Variants in KANK1 observed in about 807,000 individuals in gnomAD.
KANK1 encodes the protein KN motif and ankyrin repeat domains 1.
A neutral mutation model predicts 106.2 loss-of-function variants in KANK1; 109 were observed. The ratio of observed to expected loss-of-function variants is 1.03; its 90% CI spans 0.88 to 1.20. The LOEUF (loss-of-function observed/expected upper bound fraction) is 1.20. Among genes scored for constraint, KANK1 ranks in the 50% most tolerant of loss-of-function variants. KANK1 has a pLI of 0.00. For missense variants in KANK1, 2,399 were observed against 1,710.7 expected (o/e 1.40, Z -7.10); for synonymous variants, 873 against 652.2 (o/e 1.34, Z -5.16).
At chr9:601,324 A>G (rs538725623) in intron 1 of KANK1, among the ~76,000 whole-genome samples, 1 of 151,930 alleles carries the variant, frequency 6.6e-6, no homozygotes, top group Non-Finnish European at 1.5e-5. Context: ...GTTTTCCGCT[A>G]TCCTTTCTTT....
chr9:503,047 C>T (rs954819727), upstream of KANK1, among the ~76,000 whole-genome samples: 42 of 119,738 alleles, frequency 3.5e-4, 1 homozygote, highest in African/African-American at 9.5e-4. Context: ...CAGAATTTCA[C>T]TGTATTGCCC....
chr9:531,424 C>G (rs1452608204), intron 1 of KANK1, among the ~76,000 whole-genome samples: 2 of 152,142 alleles, frequency 1.3e-5, no homozygotes, highest in Non-Finnish European at 2.9e-5. Context: ...GAGTGAGACC[C>G]TGTCTCAAAA....
intron 1 of KANK1, among the ~76,000 whole-genome samples, chr9:611,966 T>C (rs1307839907): frequency 6.6e-6 from 1 of 152,172 alleles, no homozygotes; most frequent in Non-Finnish European, 1.5e-5. Flanking sequence ...GATCCGCCAG[T>C]CTCGGCCTCC....
Position 738,376 on chromosome 9 carries a change from C to G in KANK1, c.3425C>G (p.Ala1142Gly). ...GCCATGGTGGGGGACTACATAGCTG[C>G]TTTTGAGGCCATTTCCCCAGATGTC... ...IPAMVGDYIAAFEAISPDVLR... is the reference protein window; with the variant it reads ...IPAMVGDYIAGFEAISPDVLR... The change falls in exon 8 of 12, where the codon GCT becomes GGT. Residue 1142 changes from alanine to glycine, a missense_variant. Transcript: ENST00000382297. The G allele has an allele frequency of 6.2e-7, 1 of 1,614,116 alleles. No homozygotes were observed. The highest frequency in any genetic ancestry group is 2.2e-5 in the East Asian group (1 of 44,878).
intron 10 of KANK1, among the ~76,000 whole-genome samples, chr9:742,760 T>C (rs1836010623): frequency 6.6e-6 from 1 of 152,168 alleles, no homozygotes; most frequent in Non-Finnish European, 1.5e-5. Flanking sequence ...CAGGTGCACT[T>C]GGAAATCTGG....
chr9:695,480 C>A (rs945591715), intron 2 of KANK1, among the ~76,000 whole-genome samples: 1 of 152,126 alleles, frequency 6.6e-6, no homozygotes. Flanking sequence ...CACACACATC[C>A]CCTACAGCTC....
chr9:571,349 C>A (rs1427529929), intron 1 of KANK1, among the ~76,000 whole-genome samples: 1 of 152,140 alleles, frequency 6.6e-6, no homozygotes. Flanking sequence ...CAGAGTGTTC[C>A]TTTGGCAACA....
At chr9:634,610 G>T (rs150433305) in intron 1 of KANK1, among the ~76,000 whole-genome samples, 2,300 of 152,166 alleles carry the variant, frequency 0.015, 28 homozygotes, top group South Asian at 0.042. Context: ...TCTTACAAAG[G>T]CAGTTTCAGC....
At chr9:628,868 C>G (rs7867144) in intron 1 of KANK1, among the ~76,000 whole-genome samples, 46,268 of 151,460 alleles carry the variant, frequency 0.31, 7,325 homozygotes, top group East Asian at 0.58. Context: ...CACTTGAGGC[C>G]AGGAGTTCAA....
chr9:558,326 A>G (rs962284661), intron 1 of KANK1, among the ~76,000 whole-genome samples: 7 of 152,248 alleles, frequency 4.6e-5, no homozygotes, highest in East Asian at 1.9e-4. Flanking sequence ...GTTATGTTCT[A>G]TAAAGTCGCT....
chr9:694,834 C>G (rs551320725), intron 2 of KANK1, among the ~76,000 whole-genome samples: 34 of 152,252 alleles, frequency 2.2e-4, no homozygotes, highest in African/African-American at 7.5e-4. Context: ...TAGGATGCAG[C>G]TGGAAAGGTG....
chr9:470,304 T>C (rs1291768029), exon 1 of KANK1: 1 of 150,444 alleles, frequency 6.6e-6, no homozygotes, highest in South Asian at 2.1e-4. Context: ...CGAGGGTGTT[T>C]CGGGGCGTCC....
At position 646,928 on chromosome 9, in the gene KANK1, C is replaced by G. The variant is rs971008779; in HGVS notation, c.-83-29962C>G. 1.3e-5 allele frequency among the ~76,000 whole-genome samples: 2 copies of G among 150,784 alleles called. 1 individual carries two copies. The highest frequency in any genetic ancestry group is 5.0e-5 in the African/African-American group (2 of 40,190). On this transcript the variant is annotated intron_variant, in intron 1 of 11. Coordinates refer to ENST00000382297, the MANE Select transcript of KANK1 (RefSeq NM_015158.5). ...GGCCAGGCTGCTCTCAAACTCCTGACCTGAAGTAATCCACCCGCCTCAGCC... is the reference window on the plus strand; with the variant it reads ...GGCCAGGCTGCTCTCAAACTCCTGAGCTGAAGTAATCCACCCGCCTCAGCC...
intron 1 of KANK1, among the ~76,000 whole-genome samples, chr9:652,802 C>G (rs1030005673): frequency 4.6e-5 from 7 of 152,140 alleles, no homozygotes; most frequent in African/African-American, 1.7e-4. Context: ...TGATTTTTTA[C>G]TTTCTCTGTC....
chr9:656,315 C>A (rs911012933), intron 1 of KANK1, among the ~76,000 whole-genome samples: 2 of 152,138 alleles, frequency 1.3e-5, no homozygotes, highest in African/African-American at 2.4e-5. Context: ...GTTTAAGTCC[C>A]GTCTGTGGAA....
At position 686,321 on chromosome 9, in the gene KANK1, A is replaced by G. The variant is rs185537843; in HGVS notation, c.37+9312A>G. Among the ~76,000 whole-genome samples, 417 of 152,252 alleles carry G rather than the reference A, an allele frequency of 2.7e-3. 4 individuals carry two copies. Among genetic ancestry groups the G allele is most frequent in the African/African-American group, 9.4e-3 (391 of 41,526 alleles). On this transcript the variant is annotated intron_variant, in intron 2 of 11. Transcript: ENST00000382297. ...CACCACGAATATGTTTTTTGGGGCA[A>G]CCCGTTTGGCATGTTCCCCCTCAGC... is the stretch of plus-strand genomic sequence containing the variant.
intron 7 of KANK1, chr9:735,749 T>C: frequency 2.3e-6 from 1 of 439,076 alleles, no homozygotes; most frequent in Non-Finnish European, 4.7e-6. Context: ...ATCCCAACAC[T>C]TCGGGAGGCC....
rs568912042 is a variant in KANK1, at chr9:684,195, G to T, written c.37+7186G>T. 44 of 985,376 alleles carry T rather than the reference G, an allele frequency of 4.5e-5. No homozygotes were observed. The African/African-American group carries it at 7.0e-4, about 16-fold the overall frequency. The allele number at this position is 985,376 out of a possible 1,614,324, so 61.0% of individuals were successfully genotyped here. ...CTTTCTTGCCCCAAGCCTTGAGCCA[G>T]TCATAATGGCTTAAGCATCAGATTT... On this transcript the variant is annotated intron_variant, in intron 2 of 11. Coordinates refer to ENST00000382297, the MANE Select transcript of KANK1 (RefSeq NM_015158.5).
In KANK1 at chr9:712,505, G is replaced by A. The variant is rs758187930; in HGVS notation, c.1739G>A (p.Arg580Gln). 1.2e-5 allele frequency: 19 copies of A among 1,614,208 alleles called. No individual in the cohort carries two copies. Among genetic ancestry groups the A allele is most frequent in the East Asian group, 2.2e-5 (1 of 44,880 alleles). The change falls in exon 3 of 12, where the codon CGA becomes CAA. Residue 580 changes from arginine (R) to glutamine (Q), a missense_variant. Coordinates refer to ENST00000382297, the MANE Select transcript of KANK1 (RefSeq NM_015158.5). Reference sequence around the variant, plus strand: ...AAGGAGAGGGTGGAAATGCATGACCGATGTGCTGGGAGGTCTGTGGAAATG... The same window carrying A: ...AAGGAGAGGGTGGAAATGCATGACCAATGTGCTGGGAGGTCTGTGGAAATG... ...IVKERVEMHD[R>Q]CAGRSVEMCD...
Sources: allele counts gnomAD v4.1 joint callset (sites outside exome capture counted in the v4.1 genomes callset), GRCh38; gene constraint gnomAD v4.1.1; transcripts MANE v1.5; gene names NCBI Gene and HGNC (gene_info 2026-07-23, HGNC 2026-07-21).